The following NECAB2 variants were observed in gnomAD, a reference collection of about 807,000 sequenced individuals.
NECAB2 encodes the protein N-terminal EF-hand calcium binding protein 2.
Under a neutral mutation model 51.9 loss-of-function variants are expected in NECAB2, and 68 were observed. The observed-to-expected ratio is 1.31, with a 90% confidence interval of 1.08 to 1.60. The LOEUF is 1.60. Among genes scored for constraint, NECAB2 ranks in the 40% most tolerant of loss-of-function variants. The probability of loss-of-function intolerance (pLI) is 0.00; values close to 1 mark genes in which losing one functional copy is unlikely to be tolerated. For synonymous variants in NECAB2, 329 were observed against 203.5 expected, an observed-to-expected ratio of 1.62 and a Z score of -5.25; for missense variants, 854 against 490.3, an observed-to-expected ratio of 1.74 and a Z score of -7.00.
rs1351380493 is a variant in NECAB2, at chr16:84,001,843, G to C, written c.1059G>C (p.Leu353=). 6 of 1,614,024 alleles carry C rather than the reference G, an allele frequency of 3.7e-6. No individual in the cohort carries two copies. The highest frequency in any genetic ancestry group is 4.2e-6 in the Non-Finnish European group (5 of 1,179,990). The change falls in exon 12 of 13, where the codon CTG becomes CTC. Residue 353 remains leucine (L), a synonymous_variant. Transcript: ENST00000305202. The stretch of plus-strand genomic sequence containing the variant: ...GTCACAGGCACCTGCAGAGCCCCCT[G>C]TGTAAGGCGTTCCGGCACGTCAAGG... ...EAWKRHLQSP[L]CKAFRHVKVD...
intron 12 of NECAB2, 37 bp downstream of exon 12, chr16:84,001,953 G>A: frequency 1.9e-6 from 3 of 1,599,234 alleles, no homozygotes; most frequent in Non-Finnish European, 1.7e-6. Flanking sequence ...GTGGCCACCT[G>A]ACTGGAGAGA....
intron 6 of NECAB2, among the ~76,000 whole-genome samples, chr16:83,993,164 C>T (rs1008155088): frequency 6.6e-6 from 1 of 152,186 alleles, no homozygotes; most frequent in Non-Finnish European, 1.5e-5. Context: ...TATCCTGTTT[C>T]CCAGCCCCAG....
chr16:83,965,306 G>A (rs117540669), upstream of NECAB2: 11 of 1,591,980 alleles, frequency 6.9e-6, no homozygotes, highest in East Asian at 4.5e-5. Context: ...CGTGGTCCTC[G>A]CCACAGGCAC....
At position 83,973,102 on chromosome 16, in the gene NECAB2, C is replaced by T. The variant is rs541178002; in HGVS notation, c.226+927C>T. Among the ~76,000 whole-genome samples, 10 of 152,304 alleles carry T rather than the reference C, an allele frequency of 6.6e-5. No homozygotes were observed. The South Asian group carries it at 1.2e-3, about 19-fold the overall frequency. On this transcript the variant is annotated intron_variant, in intron 2 of 12. Transcript: ENST00000305202. ...GTTTTTAAAGAGAATCGCGTGCTCC[C>T]GGTATGTTCATTCATTGAGAAAATG...
Position 83,968,454 on chromosome 16 carries a change from G to A in NECAB2, c.-195G>A, listed in dbSNP as rs2084312224. On this transcript the variant is annotated 5_prime_UTR_variant, in exon 1 of 13. Transcript: ENST00000305202. Reference sequence around the variant, plus strand: ...CGGCCGGCGGGGGTGGGGGCGGCGGGGAGCGGGCACGTGGCTCGGGGTCCG... The same window carrying A: ...CGGCCGGCGGGGGTGGGGGCGGCGGAGAGCGGGCACGTGGCTCGGGGTCCG... Among the ~76,000 whole-genome samples, 2 of 146,364 alleles carry A rather than the reference G, an allele frequency of 1.4e-5. No homozygotes were observed. The highest frequency in any genetic ancestry group is 1.4e-4 in the Admixed American group (2 of 14,808).
chr16:83,986,536 G>A (rs1488216581), intron 5 of NECAB2, among the ~76,000 whole-genome samples: 5 of 152,130 alleles, frequency 3.3e-5, no homozygotes, highest in African/African-American at 7.2e-5. Flanking sequence ...AGATAAAGAC[G>A]GGGTCTTGTT....
At chr16:83,993,241 G>T (rs2084649259) in intron 6 of NECAB2, among the ~76,000 whole-genome samples, 1 of 152,178 alleles carries the variant, frequency 6.6e-6, no homozygotes, top group African/African-American at 2.4e-5. Context: ...CGGGAGCCCT[G>T]AGCAACCCGT....
intron 10 of NECAB2, among the ~76,000 whole-genome samples, 174 bp downstream of exon 10, chr16:83,998,491 A>C (rs1024562825): frequency 1.3e-5 from 2 of 152,172 alleles, no homozygotes; most frequent in Non-Finnish European, 1.5e-5. Flanking sequence ...CTCCCAGCCA[A>C]GCAAATGTGG....
intron 5 of NECAB2, among the ~76,000 whole-genome samples, chr16:83,982,655 G>A (rs922243306): frequency 3.8e-4 from 58 of 152,110 alleles, no homozygotes; most frequent in African/African-American, 1.2e-3. Flanking sequence ...CCATGGTTGC[G>A]TCTTGGTCTT....
chr16:83,997,091 C>G (rs1248483474), intron 8 of NECAB2, 125 bp from the exon 9 acceptor site: 1 of 1,076,110 alleles, frequency 9.3e-7, no homozygotes, highest in Non-Finnish European at 1.4e-6. Flanking sequence ...GTTGGTCTCC[C>G]AGCCCTGTGC....
At chr16:83,999,328 T>C (rs1298007579) in intron 10 of NECAB2, among the ~76,000 whole-genome samples, 2 of 152,168 alleles carry the variant, frequency 1.3e-5, no homozygotes, top group African/African-American at 2.4e-5. Context: ...GGGGCCAGAC[T>C]TGATCTTTTT....
chr16:83,994,103 A>G (rs542839750), intron 6 of NECAB2, among the ~76,000 whole-genome samples, 199 bp from the exon 7 acceptor site: 2 of 152,294 alleles, frequency 1.3e-5, no homozygotes, highest in African/African-American at 4.8e-5. Flanking sequence ...AGCTCTGCCC[A>G]GCTAGCTGCG....
chr16:83,972,138 C>G lies in NECAB2; in HGVS notation c.202-13C>G. ...CCCTGGCCCAGGGCTGACTCCGCCT[C>G]TCTTTTCTGCAGATTTTCCGCCGTG... On this transcript the variant is annotated splice_polypyrimidine_tract_variant and intron_variant, in intron 1 of 12. Transcript: ENST00000305202. 6 of 1,613,292 alleles carry G rather than the reference C, an allele frequency of 3.7e-6. No individual in the cohort carries two copies. Among genetic ancestry groups the G allele is most frequent in the Non-Finnish European group, 5.1e-6 (6 of 1,180,008 alleles).
intron 8 of NECAB2, 96 bp from the exon 9 acceptor site, chr16:83,997,120 G>T: frequency 1.3e-6 from 2 of 1,490,078 alleles, no homozygotes; most frequent in Non-Finnish European, 9.3e-7. Flanking sequence ...CGGGTCCTTG[G>T]GAGCTCCCAA....
Position 84,002,435 on chromosome 16 carries a change from A to G in NECAB2, c.*89A>G, listed in dbSNP as rs2084857270. ...TTTTTCTAGACAGACACTTTGGTGC[A>G]GAAGCTTCTTTTCAATCCATCCTCC... On this transcript the variant is annotated 3_prime_UTR_variant, in exon 13 of 13. Coordinates refer to ENST00000305202, the MANE Select transcript of NECAB2 (RefSeq NM_019065.3). 1 of 1,495,766 alleles carries G rather than the reference A, an allele frequency of 6.7e-7. No homozygotes were observed. Among genetic ancestry groups the G allele is most frequent in the South Asian group, 1.1e-5 (1 of 88,656 alleles). 92.7% of individuals were successfully genotyped at this position (1,495,766 alleles called of 1,614,324 possible).
At chr16:84,000,478 A>G (rs1995867) in intron 10 of NECAB2, among the ~76,000 whole-genome samples, 41,174 of 152,062 alleles carry the variant, frequency 0.27, 10,604 homozygotes, top group African/African-American at 0.68. Flanking sequence ...GTGAGACCCT[A>G]TCTCAAAAGA....
chr16:83,965,441 A>C, upstream of NECAB2: 8 of 1,594,196 alleles, frequency 5.0e-6, no homozygotes, highest in Non-Finnish European at 6.8e-6. Context: ...CCCTGTCCTC[A>C]TCATTGGCGC....
chr16:83,997,479 C>T (rs113158869), intron 9 of NECAB2, among the ~76,000 whole-genome samples: 51 of 53,262 alleles, frequency 9.6e-4, no homozygotes, highest in African/African-American at 3.5e-3. Flanking sequence ...CTCCCTGGAC[C>T]TTTTTTTTTT....
chr16:84,002,186 G>A, intron 12 of NECAB2, 132 bp from the exon 13 acceptor site: 1 of 1,212,364 alleles, frequency 8.2e-7, no homozygotes, highest in Non-Finnish European at 1.2e-6. Flanking sequence ...GCACCTGGGT[G>A]ACCAGCAAGG....
Sources: allele counts gnomAD v4.1 joint callset (sites outside exome capture counted in the v4.1 genomes callset), GRCh38; gene constraint gnomAD v4.1.1; transcripts MANE v1.5; gene names NCBI Gene and HGNC (gene_info 2026-07-23, HGNC 2026-07-21).